Variants in S100Z observed in about 807,000 individuals in gnomAD.
S100Z encodes the protein protein S100-Z.
S100Z carries 11 observed loss-of-function variants against 8.5 expected under a neutral mutation model. The ratio of observed to expected loss-of-function variants is 1.30; its 90% confidence interval spans 0.82 to 2.15. The LOEUF (loss-of-function observed/expected upper bound fraction) is 2.15. Ranked by LOEUF, S100Z falls within the 30% of genes most tolerant of loss-of-function variation. The pLI is 0.00. For missense variants in S100Z, 126 were observed against 117.9 expected, an observed-to-expected ratio of 1.07 and a Z score of -0.32; for synonymous variants, 34 against 43.8, an observed-to-expected ratio of 0.78 and a Z score of 0.89.
At chr5:76,895,229 C>T (rs1012686103) in intron 4 of S100Z, among the ~76,000 whole-genome samples, 3 of 152,118 alleles carry the variant, frequency 2.0e-5, no homozygotes, top group Admixed American at 6.5e-5. Flanking sequence ...ATATCATCAC[C>T]GTTTTAAAAC....
intron 2 of S100Z, 82 bp from the exon 3 acceptor site, chr5:76,875,222 T>G: frequency 1.3e-6 from 1 of 758,618 alleles, no homozygotes; most frequent in South Asian, 2.1e-5. Context: ...CCATCACTTG[T>G]GTGGCGAGCT....
chr5:76,875,400 G>C lies in S100Z; in HGVS notation c.41G>C (p.Arg14Thr), dbSNP rs767607339. The C allele has an allele frequency of 4.3e-6, 7 of 1,613,010 alleles. No homozygotes were observed. The highest frequency in any genetic ancestry group is 4.2e-6 in the Non-Finnish European group (5 of 1,179,514). ...QLEMAMDTMI[R>T]IFHRYSGKER... is the part of the protein sequence containing the mutation. ...GAGATGGCCATGGACACCATGATTA[G>C]AATCTTCCACCGCTATTCTGGCAAG... The change falls in exon 3 of 5, where the codon AGA becomes ACA. Residue 14 changes from arginine (R) to threonine (T), a missense_variant. Transcript: ENST00000317593.
intron 4 of S100Z, among the ~76,000 whole-genome samples, chr5:76,916,960 T>C (rs1178393174): frequency 1.3e-5 from 2 of 151,874 alleles, no homozygotes; most frequent in African/African-American, 2.4e-5. Flanking sequence ...ACCCCATCTC[T>C]ACTAAAAATA....
the S100Z span, among the ~76,000 whole-genome samples, chr5:76,931,926 T>C: frequency 6.6e-6 from 1 of 152,116 alleles, no homozygotes; most frequent in Non-Finnish European, 1.5e-5. Flanking sequence ...ATATCCATAA[T>C]GGTAGTTATC....
At chr5:76,860,200 G>C (rs1037613722) in intron 1 of S100Z, among the ~76,000 whole-genome samples, 1 of 152,118 alleles carries the variant, frequency 6.6e-6, no homozygotes, top group African/African-American at 2.4e-5. Flanking sequence ...TTGGCCAGAT[G>C]AGAAGACCGC....
At chr5:76,911,862 G>A (rs181053371) in intron 4 of S100Z, among the ~76,000 whole-genome samples, 6 of 152,200 alleles carry the variant, frequency 3.9e-5, no homozygotes, top group South Asian at 2.1e-4. Flanking sequence ...AAACAGTTGC[G>A]GGGGTTCCTT....
the S100Z span, among the ~76,000 whole-genome samples, chr5:76,928,809 G>A: frequency 3.3e-5 from 5 of 152,162 alleles, no homozygotes; most frequent in Admixed American, 6.5e-5. Context: ...GCACAATCAC[G>A]GCACATTACA....
intron 1 of S100Z, among the ~76,000 whole-genome samples, chr5:76,852,848 A>G (rs1177325220): frequency 6.6e-6 from 1 of 152,224 alleles, no homozygotes; most frequent in Non-Finnish European, 1.5e-5. Flanking sequence ...GCTTTCTAGC[A>G]GCCAAAGAAA....
rs1744786308 is a variant in S100Z at position 76,914,464 on chromosome 5, A to G, written c.*3-6253A>G. 1.3e-5 allele frequency among the ~76,000 whole-genome samples: 2 copies of G among 149,798 alleles called. 1 individual carries two copies. Among genetic ancestry groups the G allele is most frequent in the African/African-American group, 5.0e-5 (2 of 39,832 alleles). ...GGATGTGGGTGGGGCCAAATAAGGG[A>G]ATAAAAGCTGGCCACCCAAGTCAGC... On this transcript the variant is annotated intron_variant, in intron 4 of 4. Coordinates refer to ENST00000317593, the MANE Select transcript of S100Z (RefSeq NM_130772.4).
intron 4 of S100Z, among the ~76,000 whole-genome samples, chr5:76,913,045 C>A (rs758186400): frequency 2.0e-5 from 3 of 152,176 alleles, no homozygotes; most frequent in South Asian, 2.1e-4. Context: ...AAAACGTATA[C>A]CCTATTCCTT....
chr5:76,945,568 T>A, the S100Z span, among the ~76,000 whole-genome samples: 1 of 152,380 alleles, frequency 6.6e-6, no homozygotes, highest in South Asian at 2.1e-4. Flanking sequence ...AATGCTGCTC[T>A]GCAACTCTTT....
intron 1 of S100Z, among the ~76,000 whole-genome samples, chr5:76,857,163 G>A (rs919302441): frequency 6.6e-6 from 1 of 152,068 alleles, no homozygotes; most frequent in East Asian, 1.9e-4. Context: ...GTGGTGGCAG[G>A]TGCCTGTAAT....
downstream of S100Z, among the ~76,000 whole-genome samples, chr5:76,926,340 A>G (rs1028475071): frequency 3.3e-5 from 5 of 152,172 alleles, no homozygotes; most frequent in Admixed American, 6.5e-5. Context: ...AGGAAGATGT[A>G]CTTTTATGTT....
At chr5:76,899,023 C>T (rs1744142862) in intron 4 of S100Z, among the ~76,000 whole-genome samples, 1 of 151,018 alleles carries the variant, frequency 6.6e-6, no homozygotes, top group Non-Finnish European at 1.5e-5. Context: ...GCAACCTCCA[C>T]CTCCCAGGTT....
downstream of S100Z, among the ~76,000 whole-genome samples, chr5:76,925,439 C>A (rs1241474799): frequency 6.6e-6 from 1 of 152,174 alleles, no homozygotes; most frequent in Non-Finnish European, 1.5e-5. Flanking sequence ...CACACTCAGT[C>A]CTCTACTCCA....
chr5:76,902,382 C>T (rs1561245157), intron 4 of S100Z, among the ~76,000 whole-genome samples: 1 of 152,196 alleles, frequency 6.6e-6, no homozygotes, highest in Non-Finnish European at 1.5e-5. Flanking sequence ...TCCAGTTTTC[C>T]TTTCTGCTCT....
chr5:76,927,399 A>C, the S100Z span, among the ~76,000 whole-genome samples: 2 of 152,138 alleles, frequency 1.3e-5, no homozygotes, highest in Admixed American at 1.3e-4. Context: ...TCTGCCCCAG[A>C]TCCTCACATA....
intron 4 of S100Z, among the ~76,000 whole-genome samples, chr5:76,884,644 C>G (rs1006168584): frequency 6.6e-6 from 1 of 152,202 alleles, no homozygotes; most frequent in Non-Finnish European, 1.5e-5. Context: ...ATGCCTTCAG[C>G]TCCAGCCACG....
chr5:76,877,287 C>T (rs1743223535), intron 3 of S100Z, among the ~76,000 whole-genome samples: 2 of 152,174 alleles, frequency 1.3e-5, no homozygotes, highest in African/African-American at 4.8e-5. Flanking sequence ...ACGCGATTTG[C>T]TCAAATTCGC....
Sources: gnomAD v4.1 joint callset for allele counts (sites outside exome capture counted in the v4.1 genomes callset) on GRCh38, gnomAD v4.1.1 for gene constraint, MANE v1.5 for transcripts, NCBI Gene and HGNC (gene_info 2026-07-23, HGNC 2026-07-21) for gene names.